Variants in PTPRG observed in about 807,000 individuals in gnomAD.
PTPRG encodes protein tyrosine phosphatase receptor type G.
Under a neutral mutation model 165.3 loss-of-function variants are expected in PTPRG, and 102 were observed. That is an observed-to-expected ratio of 0.62 (90% CI 0.53 to 0.73). PTPRG has a LOEUF of 0.73. PTPRG is among the 30% of genes least tolerant of loss of function. PTPRG has a pLI of 0.00. For synonymous variants in PTPRG, 675 were observed against 669.5 expected (o/e 1.01, Z -0.13); for missense variants, 1,866 against 1,861.4 (o/e 1.00, Z -0.05).
intron 2 of PTPRG, among the ~76,000 whole-genome samples, chr3:61,947,356 C>A (rs571187120): frequency 1.3e-5 from 2 of 152,236 alleles, no homozygotes; most frequent in East Asian, 3.9e-4. Flanking sequence ...ATTATACATA[C>A]AAAATACGTG....
intron 5 of PTPRG, among the ~76,000 whole-genome samples, chr3:62,078,865 G>T (rs980491581): frequency 6.6e-5 from 10 of 152,144 alleles, no homozygotes. Context: ...TGCTGTTCAG[G>T]CTTTTTAATA....
chr3:62,139,894 A>C (rs1160572985), intron 6 of PTPRG, among the ~76,000 whole-genome samples: 1 of 152,214 alleles, frequency 6.6e-6, no homozygotes, highest in Admixed American at 6.5e-5. Context: ...ATAACAGTGA[A>C]TTTGCAAATA....
chr3:61,879,377 T>G (rs1256637040), intron 2 of PTPRG, among the ~76,000 whole-genome samples: 1 of 152,192 alleles, frequency 6.6e-6, no homozygotes, highest in Non-Finnish European at 1.5e-5. Flanking sequence ...TATCGAGGTC[T>G]TCTTTTCTTT....
chr3:61,999,903 T>C (rs2041129691), intron 3 of PTPRG, among the ~76,000 whole-genome samples: 1 of 152,234 alleles, frequency 6.6e-6, no homozygotes, highest in South Asian at 2.1e-4. Flanking sequence ...TGATTTTCTT[T>C]TCTTTGATAT....
intron 8 of PTPRG, among the ~76,000 whole-genome samples, chr3:62,184,895 A>G (rs1024987662): frequency 6.6e-6 from 1 of 152,094 alleles, no homozygotes; most frequent in Non-Finnish European, 1.5e-5. Context: ...CCGAGGGGGC[A>G]GGTGCTGGAA....
intron 1 of PTPRG, among the ~76,000 whole-genome samples, chr3:61,573,064 C>T (rs1455430033): frequency 2.0e-5 from 3 of 152,226 alleles, no homozygotes; most frequent in Non-Finnish European, 4.4e-5. Context: ...CTGGCTGTGT[C>T]GTTTTCTGGC....
chr3:61,625,739 T>A (rs1251420075), intron 1 of PTPRG, among the ~76,000 whole-genome samples: 2 of 152,184 alleles, frequency 1.3e-5, no homozygotes, highest in Non-Finnish European at 2.9e-5. Flanking sequence ...GGATATTTAA[T>A]GTGTCTAAGA....
chr3:61,735,520 A>C (rs961210777), intron 1 of PTPRG, among the ~76,000 whole-genome samples: 1 of 135,454 alleles, frequency 7.4e-6, no homozygotes, highest in Non-Finnish European at 1.6e-5. Flanking sequence ...ACTAACCCCA[A>C]TTCCTTGAGT....
intron 2 of PTPRG, among the ~76,000 whole-genome samples, chr3:61,923,474 G>A (rs375817392): frequency 2.6e-5 from 4 of 151,730 alleles, no homozygotes; most frequent in South Asian, 2.1e-4. Flanking sequence ...TGTTACATAC[G>A]TATACATGTG....
chr3:61,753,445 G>C lies in PTPRG; in HGVS notation c.190+4463G>C, dbSNP rs990743144. On this transcript the variant is annotated intron_variant, in intron 2 of 29. Transcript: ENST00000474889. ...TTCTGTCTTTCTTGAGGTGATGGTA[G>C]CTCATGAATTTTGGAGTTTGCCCAG... is the stretch of plus-strand genomic sequence containing the variant. Among the ~76,000 whole-genome samples the C allele has an allele frequency of 3.3e-5, 5 of 152,224 alleles. No individual in the cohort carries two copies. In the East Asian group the frequency reaches 9.7e-4, roughly 29 times the overall value.
rs148352398 is a variant in PTPRG at position 61,887,123 on chromosome 3, CATAT to C, written c.191-102457_191-102454del. On this transcript the variant is annotated intron_variant, in intron 2 of 29. Coordinates refer to ENST00000474889, the MANE Select transcript of PTPRG (RefSeq NM_002841.4). Reference sequence around the variant, plus strand: ...ATTTTTAAAGTATAACCATAGCATGCATATATATATATATATATATATATATATA... The same window carrying C: ...ATTTTTAAAGTATAACCATAGCATGCATATATATATATATATATATATATA... Among the ~76,000 whole-genome samples the C allele has an allele frequency of 7.1e-3, 605 of 85,652 alleles. 2 individuals carry two copies. Among genetic ancestry groups the C allele is most frequent in the African/African-American group, 0.02 (245 of 12,556 alleles). 56.2% of individuals were successfully genotyped at this position (85,652 alleles called of 152,430 possible).
intron 8 of PTPRG, among the ~76,000 whole-genome samples, chr3:62,182,895 T>C (rs983990323): frequency 6.6e-6 from 1 of 152,102 alleles, no homozygotes; most frequent in Non-Finnish European, 1.5e-5. Context: ...GACCTCGTGA[T>C]CCACCCGCCT....
intron 8 of PTPRG, among the ~76,000 whole-genome samples, chr3:62,189,184 T>C (rs1699742230): frequency 1.3e-5 from 2 of 152,056 alleles, no homozygotes; most frequent in Admixed American, 6.5e-5. Flanking sequence ...CACTAATTTA[T>C]CCCTTCCTCC....
chr3:62,253,303 A>G (rs1397420720), intron 15 of PTPRG, among the ~76,000 whole-genome samples: 1 of 152,234 alleles, frequency 6.6e-6, no homozygotes, highest in Non-Finnish European at 1.5e-5. Context: ...TCATTGTCGT[A>G]TAAATGTTGC....
chr3:62,006,295 A>G (rs2041296573), intron 4 of PTPRG, among the ~76,000 whole-genome samples: 1 of 152,194 alleles, frequency 6.6e-6, no homozygotes, highest in Non-Finnish European at 1.5e-5. Context: ...GAGATTAAAT[A>G]ACTGCATTAA....
intron 2 of PTPRG, among the ~76,000 whole-genome samples, chr3:61,972,734 C>A (rs907050663): frequency 1.3e-5 from 2 of 151,184 alleles, no homozygotes; most frequent in African/African-American, 2.4e-5. Flanking sequence ...CTTACTGCAG[C>A]CTTGATCTCC....
intron 2 of PTPRG, among the ~76,000 whole-genome samples, chr3:61,978,099 G>A (rs2040550861): frequency 6.6e-6 from 1 of 152,104 alleles, no homozygotes; most frequent in African/African-American, 2.4e-5. Context: ...TGATCTGCCC[G>A]CCTCAGCCTC....
chr3:62,182,064 G>A (rs1705673473), intron 8 of PTPRG, among the ~76,000 whole-genome samples: 1 of 152,192 alleles, frequency 6.6e-6, no homozygotes. Context: ...GAAAGAAAAT[G>A]TTATTTTGAA....
chr3:61,744,044 G>A (rs2033103018), intron 1 of PTPRG, among the ~76,000 whole-genome samples: 1 of 152,150 alleles, frequency 6.6e-6, no homozygotes, highest in African/African-American at 2.4e-5. Flanking sequence ...GCTTAGAAGA[G>A]TACAAAGAGT....
Sources: gnomAD v4.1 joint callset for allele counts (sites outside exome capture counted in the v4.1 genomes callset) on GRCh38, gnomAD v4.1.1 for gene constraint, MANE v1.5 for transcripts, NCBI Gene and HGNC (gene_info 2026-07-23, HGNC 2026-07-21) for gene names.